Variants in RANBP10 observed in about 807,000 individuals in gnomAD.
The protein encoded by RANBP10 is RAN binding protein 10, also known as ran-binding protein 10.
Under a neutral mutation model 72.8 loss-of-function variants are expected in RANBP10, and 24 were observed. The ratio of observed to expected loss-of-function variants is 0.33; its 90% CI spans 0.24 to 0.46. The LOEUF (loss-of-function observed/expected upper bound fraction) is 0.46. RANBP10 is among the 20% of genes least tolerant of loss of function. The probability of loss-of-function intolerance (pLI) is 1.00; values close to 1 mark genes in which losing one functional copy is unlikely to be tolerated. For synonymous variants in RANBP10, 310 were observed against 322.3 expected (o/e 0.96, Z 0.41); for missense variants, 679 against 817.5 (o/e 0.83, Z 2.07).
chr16:67,757,775 CT>C (rs1344386860), intron 3 of RANBP10, among the ~76,000 whole-genome samples: 3 of 152,212 alleles, frequency 2.0e-5, no homozygotes. Flanking sequence ...GGCTGTTCCC[CT>C]GAGCTTTTAG....
At chr16:67,761,408 T>A (rs2054393006) in intron 3 of RANBP10, among the ~76,000 whole-genome samples, 1 of 152,182 alleles carries the variant, frequency 6.6e-6, no homozygotes, top group Non-Finnish European at 1.5e-5. Context: ...ACTCAAAACA[T>A]CAACATCTTG....
At chr16:67,793,148 GT>G (rs2055060247) in intron 2 of RANBP10, among the ~76,000 whole-genome samples, 1 of 151,986 alleles carries the variant, frequency 6.6e-6, no homozygotes, top group African/African-American at 2.4e-5. Context: ...CCCCACAGGG[GT>G]CTAACCTCCA....
intron 6 of RANBP10, among the ~76,000 whole-genome samples, chr16:67,732,024 C>G (rs1205050241): frequency 6.6e-6 from 1 of 152,202 alleles, no homozygotes; most frequent in Non-Finnish European, 1.5e-5. Flanking sequence ...AGGATGCATG[C>G]CACATGCACA....
In RANBP10 at chr16:67,806,557, T is replaced by C; in HGVS notation, c.-21A>G. The C allele has an allele frequency of 6.8e-7, 1 of 1,466,472 alleles. No individual in the cohort carries two copies. The highest frequency in any genetic ancestry group is 1.4e-5 in the South Asian group (1 of 72,726). The allele number at this position is 1,466,472 out of a possible 1,614,324, so 90.8% of individuals were successfully genotyped here. A position where few individuals can be genotyped will look rare whatever the true frequency, so the allele number is the denominator to read the frequency against. ...GCCATCTTGGAGGGAGCTACTATTG[T>C]GTCACTGGGGGCGGGGAGGAGCGGG... is the stretch of plus-strand genomic sequence containing the variant. On this transcript the variant is annotated 5_prime_UTR_variant, in exon 1 of 14. Transcript: ENST00000317506.
intron 2 of RANBP10, among the ~76,000 whole-genome samples, chr16:67,797,653 T>C (rs977153879): frequency 2.6e-5 from 4 of 151,632 alleles, no homozygotes; most frequent in Admixed American, 6.6e-5. Context: ...CTACTAAAAA[T>C]ACCAAAATTA....
chr16:67,787,987 T>C (rs997733407), intron 2 of RANBP10, among the ~76,000 whole-genome samples: 2 of 152,054 alleles, frequency 1.3e-5, no homozygotes, highest in African/African-American at 4.8e-5. Context: ...TACAGGCACA[T>C]GCCAACACAC....
At chr16:67,728,748 C>T in intron 10 of RANBP10, 1 of 704,836 alleles carries the variant, frequency 1.4e-6, no homozygotes, top group East Asian at 2.7e-5. Flanking sequence ...CTCTGTGATT[C>T]TCCCCTCCCT....
At chr16:67,792,329 C>A (rs1056856791) in intron 2 of RANBP10, among the ~76,000 whole-genome samples, 1 of 151,638 alleles carries the variant, frequency 6.6e-6, no homozygotes, top group Non-Finnish European at 1.5e-5. Context: ...CCGAGGCAGG[C>A]GGATCACGAG....
chr16:67,747,497 G>A (rs1170462399), intron 3 of RANBP10, among the ~76,000 whole-genome samples: 2 of 151,648 alleles, frequency 1.3e-5, no homozygotes, highest in African/African-American at 4.8e-5. Context: ...CATCATTTTT[G>A]TTTGTTTGTT....
At chr16:67,744,575 C>G (rs1347800845) in intron 3 of RANBP10, 120 bp from the exon 4 acceptor site, 13 of 1,122,588 alleles carry the variant, frequency 1.2e-5, no homozygotes, top group Non-Finnish European at 1.6e-5. Context: ...TGTCAGCACT[C>G]TTGGCTTCTA....
At chr16:67,767,962 A>G (rs1334367955) in intron 3 of RANBP10, among the ~76,000 whole-genome samples, 1 of 151,826 alleles carries the variant, frequency 6.6e-6, no homozygotes, top group Non-Finnish European at 1.5e-5. Context: ...GCTACTCAGG[A>G]GACTAAGGTG....
rs1454397849 is a variant in RANBP10 at position 67,728,481 on chromosome 16, G to C, written c.1383C>G (p.His461Gln). The C allele has an allele frequency of 3.1e-6, 5 of 1,614,174 alleles. No individual in the cohort carries two copies. The highest frequency in any genetic ancestry group is 4.2e-6 in the Non-Finnish European group (5 of 1,180,038). ...TGCTTCCTAGCACACCGTTGGGGTA[G>C]TGCTCTGCCTCCATCTCCATCTCAC... ...SDSEMEMEAE[H>Q]YPNGVLGSMS... The change falls in exon 11 of 14, where the codon CAC (histidine) becomes CAG (glutamine). Residue 461 changes from histidine (H) to glutamine (Q), a missense_variant. Physicochemically the swap from His to Gln is conservative, Grantham distance 24 (BLOSUM62 0). Coordinates refer to ENST00000317506, the MANE Select transcript of RANBP10 (RefSeq NM_020850.3).
Position 67,789,785 on chromosome 16 carries a change from AAAACAACTAAAT to A in RANBP10, c.347+15631_347+15642del, listed in dbSNP as rs1437295580. 8.2e-4 allele frequency among the ~76,000 whole-genome samples: 124 copies of A among 151,824 alleles called. 1 individual carries two copies. The highest frequency in any genetic ancestry group is 5.1e-3 in the Admixed American group (78 of 15,250). On this transcript the variant is annotated intron_variant, in intron 2 of 13. Transcript: ENST00000317506. ...CATGCCCAGACAACCATATATCTTA[AAAACAACTAAAT>A]AAATAAATAAGAAGAAATGGACTGG...
rs369719123 is a variant in RANBP10 at position 67,802,531 on chromosome 16, G to A, written c.347+2897C>T. 3.2e-4 allele frequency among the ~76,000 whole-genome samples: 48 copies of A among 152,182 alleles called. 1 individual carries two copies. In the South Asian group the frequency reaches 7.2e-3, roughly 23 times the overall value. ...CGTATGCCTGTAATCCCAGCTACTC[G>A]GGAGGCTGAGGCAGGAGAATCACTT... On this transcript the variant is annotated intron_variant, in intron 2 of 13. Transcript: ENST00000317506.
chr16:67,802,820 A>G (rs1186225274), intron 2 of RANBP10, among the ~76,000 whole-genome samples: 3 of 152,340 alleles, frequency 2.0e-5, no homozygotes, highest in African/African-American at 7.2e-5. Context: ...AAACCAGTTG[A>G]AAGAATCCAG....
intron 2 of RANBP10, among the ~76,000 whole-genome samples, chr16:67,781,331 A>T (rs1013848360): frequency 3.9e-5 from 6 of 152,208 alleles, no homozygotes; most frequent in Non-Finnish European, 5.9e-5. Flanking sequence ...CCTTGTTGGT[A>T]ATGGGCCAGG....
chr16:67,737,022 G>C (rs1352724342), intron 5 of RANBP10, among the ~76,000 whole-genome samples: 3 of 152,128 alleles, frequency 2.0e-5, no homozygotes, highest in Non-Finnish European at 4.4e-5. Flanking sequence ...AGCATCCTGG[G>C]TGGAGGCCCT....
intron 3 of RANBP10, among the ~76,000 whole-genome samples, chr16:67,756,201 G>A (rs944266656): frequency 3.3e-5 from 5 of 152,250 alleles, no homozygotes; most frequent in African/African-American, 9.6e-5. Context: ...CAGCGTGACC[G>A]TTCCAGCAGC....
At chr16:67,772,444 C>T (rs1165517228) in intron 2 of RANBP10, among the ~76,000 whole-genome samples, 1 of 152,172 alleles carries the variant, frequency 6.6e-6, no homozygotes, top group Non-Finnish European at 1.5e-5. Context: ...GCATCTCAAT[C>T]CTAGGTAGTG....
Sources: gnomAD v4.1 joint callset for allele counts (sites outside exome capture counted in the v4.1 genomes callset) on GRCh38, gnomAD v4.1.1 for gene constraint, MANE v1.5 for transcripts, NCBI Gene and HGNC (gene_info 2026-07-23, HGNC 2026-07-21) for gene names.